The following DIAPH1 variants were observed in gnomAD, a reference collection of about 807,000 sequenced individuals.
DIAPH1 encodes protein diaphanous homolog 1.
Under a neutral mutation model 140.7 loss-of-function variants are expected in DIAPH1, and 46 were observed. The ratio of observed to expected loss-of-function variants is 0.33; its 90% CI spans 0.26 to 0.42. The LOEUF is 0.42. Ranked by LOEUF, DIAPH1 falls within the 10% of genes least tolerant of loss-of-function variation. DIAPH1 has a pLI of 1.00. For synonymous variants in DIAPH1, 565 were observed against 551.6 expected (o/e 1.02, Z -0.34); for missense variants, 1,310 against 1,558.7 (o/e 0.84, Z 2.69).
At position 141,561,830 on chromosome 5, in the gene DIAPH1, A is replaced by G. The variant is rs542445769; in HGVS notation, c.2482+9598T>C. The G allele has an allele frequency of 2.0e-5, 3 of 152,368 alleles. No individual in the cohort carries two copies. In the South Asian group the frequency reaches 6.2e-4, roughly 32 times the overall value. The allele number at this position is 152,368 out of a possible 1,614,324, so 9.4% of individuals were successfully genotyped here. A position where few individuals can be genotyped will look rare whatever the true frequency, so the allele number is the denominator to read the frequency against. On this transcript the variant is annotated intron_variant, in intron 18 of 27. Coordinates refer to ENST00000389054, the MANE Select transcript of DIAPH1 (RefSeq NM_005219.5). ...ATGGGCGAGAGTTCTAATACATGGA[A>G]CAGTTACAGGACACTAAGTTCTAGA...
chr5:141,549,856 G>T (rs562549428), intron 18 of DIAPH1, among the ~76,000 whole-genome samples: 1 of 151,900 alleles, frequency 6.6e-6, no homozygotes, highest in African/African-American at 2.4e-5. Flanking sequence ...AAAATAAGAC[G>T]GTAGATTTAA....
At chr5:141,541,206 TATTC>T (rs1410559455) in intron 18 of DIAPH1, among the ~76,000 whole-genome samples, 1 of 152,244 alleles carries the variant, frequency 6.6e-6, no homozygotes, top group Non-Finnish European at 1.5e-5. Context: ...TTTAAAATCC[TATTC>T]ATGATTTAAA....
chr5:141,516,681 G>T lies in DIAPH1; in HGVS notation c.*170C>A. 1 of 761,096 alleles carries T rather than the reference G, an allele frequency of 1.3e-6. No individual in the cohort carries two copies. 47.1% of individuals were successfully genotyped at this position (761,096 alleles called of 1,614,324 possible). A position where few individuals can be genotyped will look rare whatever the true frequency, so the allele number is the denominator to read the frequency against. On this transcript the variant is annotated 3_prime_UTR_variant, in exon 28 of 28. Transcript: ENST00000389054. ...GCCCTTTCCTTCTGGCCTCCAGGCA[G>T]CTGAAGCTGTATGTGATGTTGAGAG... is the stretch of plus-strand genomic sequence containing the variant.
chr5:141,611,450 T>C (rs1311822274), intron 1 of DIAPH1, among the ~76,000 whole-genome samples: 1 of 152,040 alleles, frequency 6.6e-6, no homozygotes, highest in African/African-American at 2.4e-5. Flanking sequence ...TCCCAGCTAC[T>C]TGTGAGGCTG....
At chr5:141,608,736 G>C (rs1456050780) in intron 1 of DIAPH1, among the ~76,000 whole-genome samples, 1 of 152,188 alleles carries the variant, frequency 6.6e-6, no homozygotes, top group Non-Finnish European at 1.5e-5. Flanking sequence ...CAGGTCTAAA[G>C]AACAAACTTC....
chr5:141,581,306 G>A (rs1221014299), intron 7 of DIAPH1, among the ~76,000 whole-genome samples: 1 of 152,102 alleles, frequency 6.6e-6, no homozygotes, highest in Admixed American at 6.6e-5. Flanking sequence ...AGAACCAACC[G>A]TGCTGGTACC....
Position 141,576,947 on chromosome 5 carries a change from C to G in DIAPH1, c.1281-76G>C. On this transcript the variant is annotated intron_variant, in intron 12 of 27. Coordinates refer to ENST00000389054, the MANE Select transcript of DIAPH1 (RefSeq NM_005219.5). ...TCAGAAGTATTCAGGACCAAGAAAA[C>G]GTAATTGCTCTGACAACTGAGAGAC... is the stretch of plus-strand genomic sequence containing the variant. 12 of 914,826 alleles carry G rather than the reference C, an allele frequency of 1.3e-5. 2 individuals are homozygous for G. In the South Asian group the frequency reaches 1.6e-4, roughly 12 times the overall value. The allele number at this position is 914,826 out of a possible 1,614,324, so 56.7% of individuals were successfully genotyped here.
At position 141,516,197 on chromosome 5, in the gene DIAPH1, A is replaced by G. The variant is rs924709285; in HGVS notation, c.*654T>C. On this transcript the variant is annotated 3_prime_UTR_variant, in exon 28 of 28. Transcript: ENST00000389054. ...GTCGCTATGCCCTGCCTGCCTGCCC[A>G]CAGGCTCTGGCCTGGGCCACAGCAC... 7 of 158,946 alleles carry G rather than the reference A, an allele frequency of 4.4e-5. No individual in the cohort carries two copies. The highest frequency in any genetic ancestry group is 5.9e-5 in the Admixed American group (1 of 17,066). 9.8% of individuals were successfully genotyped at this position (158,946 alleles called of 1,614,324 possible). A position where few individuals can be genotyped will look rare whatever the true frequency, so the allele number is the denominator to read the frequency against.
In DIAPH1 at chr5:141,573,841, G is replaced by A. The variant is rs751847293; in HGVS notation, c.2009C>T (p.Pro670Leu). 15 of 1,526,198 alleles carry A rather than the reference G, an allele frequency of 9.8e-6. No homozygotes were observed. In the East Asian group the frequency reaches 1.7e-4, roughly 17 times the overall value. The allele number at this position is 1,526,198 out of a possible 1,614,324, so 94.5% of individuals were successfully genotyped here. Reference protein sequence around the residue: ...GVGIPSPSSLPGGTAIPPPPP... With the variant: ...GVGIPSPSSLLGGTAIPPPPP... ...AGGTGGGGGGATGGCAGTACCTCCAGGCAAAGAAGAGGGTGAAGGGATGCC... is the reference window on the plus strand; with the variant it reads ...AGGTGGGGGGATGGCAGTACCTCCAAGCAAAGAAGAGGGTGAAGGGATGCC... Residue 670 changes from proline to leucine, a missense_variant, in exon 16 of 28, where the codon CCT (proline) becomes CTT (leucine). This residue lies in a region of DIAPH1 where 589 missense variants were observed against 549.3 expected (regional missense o/e 1.07). Coordinates refer to ENST00000389054, the MANE Select transcript of DIAPH1 (RefSeq NM_005219.5).
chr5:141,556,536 C>A (rs2099892610), intron 18 of DIAPH1, among the ~76,000 whole-genome samples: 1 of 152,164 alleles, frequency 6.6e-6, no homozygotes, highest in Non-Finnish European at 1.5e-5. Flanking sequence ...AAGAGTCCAG[C>A]CCTTTCTCCC....
intron 1 of DIAPH1, 36 bp from the exon 2 acceptor site, chr5:141,588,286 A>G: frequency 6.4e-7 from 1 of 1,572,002 alleles, no homozygotes. Context: ...AAGAAAGAAG[A>G]GAAATCAGTG....
intron 1 of DIAPH1, among the ~76,000 whole-genome samples, chr5:141,616,324 G>C (rs550056952): frequency 6.6e-6 from 1 of 152,312 alleles, no homozygotes; most frequent in East Asian, 1.9e-4. Flanking sequence ...AGCAGCTAAA[G>C]GAATTATAAA....
At chr5:141,528,299 G>A (rs978118641) in intron 23 of DIAPH1, among the ~76,000 whole-genome samples, 154 bp downstream of exon 23, 3 of 152,094 alleles carry the variant, frequency 2.0e-5, no homozygotes, top group Non-Finnish European at 2.9e-5. Context: ...TCAGCCATAC[G>A]CTCTGCCCTT....
intron 1 of DIAPH1, among the ~76,000 whole-genome samples, chr5:141,602,088 T>G (rs1287387011): frequency 2.6e-5 from 4 of 152,156 alleles, no homozygotes; most frequent in South Asian, 4.1e-4. Context: ...AACAGAGAGA[T>G]AAGGGTCCAG....
At chr5:141,589,362 T>C (rs1177493356) in intron 1 of DIAPH1, among the ~76,000 whole-genome samples, 3 of 152,234 alleles carry the variant, frequency 2.0e-5, no homozygotes, top group Non-Finnish European at 4.4e-5. Context: ...AAAAGTTGTC[T>C]GATTTATTGC....
Position 141,560,770 on chromosome 5 carries a change from G to C in DIAPH1, c.2482+10658C>G. On this transcript the variant is annotated intron_variant, in intron 18 of 27. Coordinates refer to ENST00000389054, the MANE Select transcript of DIAPH1 (RefSeq NM_005219.5). ...TCTAGAAATATTCTGTTTTATTCAG[G>C]GTTGGGAAGGGAAGTAACAGGGTAA... The C allele has an allele frequency of 9.0e-6, 4 of 446,034 alleles. 1 individual carries two copies. In the Middle Eastern group the frequency reaches 1.3e-3, roughly 149 times the overall value. 27.6% of individuals were successfully genotyped at this position (446,034 alleles called of 1,614,324 possible).
chr5:141,537,880 A>G (rs2099889299), intron 18 of DIAPH1, among the ~76,000 whole-genome samples: 1 of 152,140 alleles, frequency 6.6e-6, no homozygotes, highest in Admixed American at 6.5e-5. Context: ...ATAAATCAAA[A>G]TAGAATCTTT....
In DIAPH1 at chr5:141,573,704, G is replaced by T; in HGVS notation, c.2146C>A (p.Pro716Thr). The change falls in exon 16 of 28, where the codon CCT becomes ACT. Residue 716 changes from proline to threonine, a missense_variant. By Grantham distance (38) the Pro-to-Thr change is conservative (BLOSUM62 -1). Coordinates refer to ENST00000389054, the MANE Select transcript of DIAPH1 (RefSeq NM_005219.5). ...PLPGEAGMPP[P>T]PPPLPGGPGI... ...GGACCACCAGGAAGAGGGGGAGGAG[G>T]AGGTGGCATTCCTGCTTCTCCAGGC... is the stretch of plus-strand genomic sequence containing the variant. 1 of 1,596,950 alleles carries T rather than the reference G, an allele frequency of 6.3e-7. No individual in the cohort carries two copies.
In DIAPH1 at chr5:141,553,164, C is replaced by T. The variant is rs570123137; in HGVS notation, c.2482+18264G>A. 1.2e-4 allele frequency among the ~76,000 whole-genome samples: 18 copies of T among 152,196 alleles called. No individual in the cohort carries two copies. In the East Asian group the frequency reaches 1.4e-3, roughly 11 times the overall value. On this transcript the variant is annotated intron_variant, in intron 18 of 27. Transcript: ENST00000389054. ...AAAATTAGCTGGGTGTCATGGCACA[C>T]GCCTGTAACCCCAGCTACCTGGGAA...
Sources: gnomAD v4.1 joint callset for allele counts (sites outside exome capture counted in the v4.1 genomes callset) on GRCh38, gnomAD v4.1.1 for gene constraint, gnomAD v4.1.1 regional missense constraint, MANE v1.5 for transcripts, NCBI Gene and HGNC (gene_info 2026-07-23, HGNC 2026-07-21) for gene names.